The following TPD52 variants were observed in gnomAD, a reference collection of about 807,000 sequenced individuals.
TPD52 encodes the protein tumor protein D52, also known as prostate and colon associated protein.
Under a neutral mutation model 31.3 loss-of-function variants are expected in TPD52, and 17 were observed. That is an observed-to-expected ratio of 0.54 (90% CI 0.37 to 0.82). The LOEUF is 0.82. Ranked by LOEUF, TPD52 falls within the 40% of genes least tolerant of loss-of-function variation. TPD52 has a pLI of 0.00. For missense variants in TPD52, 212 were observed against 240.1 expected (o/e 0.88, Z 0.77); for synonymous variants, 83 against 89.6 (o/e 0.93, Z 0.42).
At chr8:80,063,494 G>A (rs1160686302) in intron 2 of TPD52, among the ~76,000 whole-genome samples, 1 of 152,202 alleles carries the variant, frequency 6.6e-6, no homozygotes, top group Non-Finnish European at 1.5e-5. Flanking sequence ...GCACAACACT[G>A]TGAATGTTAC....
Position 80,037,926 on chromosome 8 carries a change from A to C in TPD52, c.*190T>G. 1.6e-6 allele frequency: 1 copy of C among 641,978 alleles called. No individual in the cohort carries two copies. The highest frequency in any genetic ancestry group is 2.5e-6 in the Non-Finnish European group (1 of 395,656). The allele number at this position is 641,978 out of a possible 1,614,324, so 39.8% of individuals were successfully genotyped here. The stretch of plus-strand genomic sequence containing the variant: ...ATAAAGGAACATAAATGTACACTAA[A>C]GGGTGTTTCCCAAGAATAGAGGTGA... On this transcript the variant is annotated 3_prime_UTR_variant, in exon 8 of 8. Transcript: ENST00000518937.
chr8:80,137,396 A>T (rs1809509628), intron 1 of TPD52, among the ~76,000 whole-genome samples: 1 of 140,414 alleles, frequency 7.1e-6, no homozygotes, highest in South Asian at 2.2e-4. Flanking sequence ...CTTTTTTCTT[A>T]AAAAATGGAA....
intron 1 of TPD52, among the ~76,000 whole-genome samples, chr8:80,117,954 G>T (rs559103855): frequency 6.6e-6 from 1 of 151,674 alleles, no homozygotes; most frequent in Non-Finnish European, 1.5e-5. Flanking sequence ...GGATGGTCTC[G>T]ATCTCCTGAC....
intron 1 of TPD52, among the ~76,000 whole-genome samples, chr8:80,104,438 C>CAT (rs10664012): frequency 0.56 from 83,703 of 150,392 alleles, 24,559 homozygotes; most frequent in East Asian, 0.79. Flanking sequence ...CGTACACACA[C>CAT]GATCTTGAAC....
At chr8:80,043,746 G>A (rs1258427523) in intron 6 of TPD52, among the ~76,000 whole-genome samples, 1 of 152,206 alleles carries the variant, frequency 6.6e-6, no homozygotes, top group Admixed American at 6.5e-5. Context: ...GCTAATGAAA[G>A]CAGATAGTAG....
intron 2 of TPD52, among the ~76,000 whole-genome samples, chr8:80,061,755 ATTCAG>A (rs892509839): frequency 2.6e-5 from 4 of 152,256 alleles, no homozygotes; most frequent in Non-Finnish European, 4.4e-5. Context: ...AAGATATAAT[ATTCAG>A]TTATGTTTCT....
chr8:80,127,545 A>G (rs1808701978), intron 1 of TPD52: 2 of 152,134 alleles, frequency 1.3e-5, no homozygotes, highest in African/African-American at 2.4e-5. Flanking sequence ...TATAATTCGA[A>G]TTCTGTTTTT....
intron 1 of TPD52, among the ~76,000 whole-genome samples, chr8:80,084,330 C>T (rs1158478495): frequency 6.6e-6 from 1 of 152,236 alleles, no homozygotes; most frequent in Non-Finnish European, 1.5e-5. Flanking sequence ...CCCTTGTTCA[C>T]AGGGACTGGC....
chr8:80,091,448 G>A lies in TPD52; in HGVS notation c.20-26855C>T, dbSNP rs553803827. The stretch of plus-strand genomic sequence containing the variant: ...CGCGCCACTGCGCTCCAGCCTGGGC[G>A]ACAGAGACTCCATCTCAAAAAAAAA... On this transcript the variant is annotated intron_variant, in intron 1 of 7. Coordinates refer to ENST00000518937, the MANE Select transcript of TPD52 (RefSeq NM_001025253.3). Among the ~76,000 whole-genome samples, 89 of 142,436 alleles carry A rather than the reference G, an allele frequency of 6.2e-4. 2 individuals are homozygous for A. In the South Asian group the frequency reaches 0.019, roughly 30 times the overall value. 93.4% of individuals were successfully genotyped at this position (142,436 alleles called of 152,430 possible).
chr8:80,151,976 G>C (rs953824491), intron 1 of TPD52, among the ~76,000 whole-genome samples: 5 of 152,264 alleles, frequency 3.3e-5, no homozygotes, highest in Non-Finnish European at 5.9e-5. Flanking sequence ...GTTGATTTTT[G>C]TCAGAAGAGA....
At chr8:80,117,453 G>A (rs1365734894) in intron 1 of TPD52, among the ~76,000 whole-genome samples, 1 of 152,020 alleles carries the variant, frequency 6.6e-6, no homozygotes, top group Non-Finnish European at 1.5e-5. Flanking sequence ...TACAAAATAT[G>A]GCTGAAAGAA....
At chr8:80,060,443 A>T (rs1336382626) in intron 2 of TPD52, among the ~76,000 whole-genome samples, 4 of 152,156 alleles carry the variant, frequency 2.6e-5, no homozygotes, top group African/African-American at 9.7e-5. Context: ...ACATTTAAAG[A>T]ATGGACAAAC....
At chr8:80,077,904 A>G (rs1297688353) in intron 1 of TPD52, among the ~76,000 whole-genome samples, 2 of 152,266 alleles carry the variant, frequency 1.3e-5, no homozygotes, top group African/African-American at 4.8e-5. Flanking sequence ...GGGTTGTAAA[A>G]TCCAGTTAGC....
chr8:80,150,552 A>T (rs1810503265), intron 1 of TPD52, among the ~76,000 whole-genome samples: 1 of 152,208 alleles, frequency 6.6e-6, no homozygotes, highest in Non-Finnish European at 1.5e-5. Context: ...GCTGGGAGGG[A>T]AGCTGTACCT....
chr8:80,140,707 G>A (rs1035088085), intron 1 of TPD52, among the ~76,000 whole-genome samples: 1 of 152,256 alleles, frequency 6.6e-6, no homozygotes, highest in South Asian at 2.1e-4. Flanking sequence ...GTTGAAGGTG[G>A]TAACAAATTC....
intron 2 of TPD52, among the ~76,000 whole-genome samples, chr8:80,062,546 A>T (rs1812661628): frequency 6.6e-6 from 1 of 152,220 alleles, no homozygotes; most frequent in South Asian, 2.1e-4. Context: ...CTTCACACCC[A>T]CTAGGACTAC....
At chr8:80,051,793 A>C in intron 3 of TPD52, 165 bp from the exon 4 acceptor site, 1 of 579,092 alleles carries the variant, frequency 1.7e-6, no homozygotes, top group Non-Finnish European at 3.0e-6. Context: ...CGGCATCACC[A>C]CATCTTCGTA....
At chr8:80,160,295 A>G (rs956920064) in intron 1 of TPD52, among the ~76,000 whole-genome samples, 7 of 152,228 alleles carry the variant, frequency 4.6e-5, no homozygotes, top group African/African-American at 1.4e-4. Context: ...CCAGCAGAGT[A>G]CATCTGGGGA....
chr8:80,155,235 T>C (rs375256594), intron 1 of TPD52, among the ~76,000 whole-genome samples: 2 of 152,172 alleles, frequency 1.3e-5, no homozygotes, highest in Admixed American at 6.5e-5. Context: ...AATCAATAAA[T>C]GTTGTGTGTG....
Sources: gnomAD v4.1 joint callset for allele counts (sites outside exome capture counted in the v4.1 genomes callset) on GRCh38, gnomAD v4.1.1 for gene constraint, MANE v1.5 for transcripts, NCBI Gene and HGNC (gene_info 2026-07-23, HGNC 2026-07-21) for gene names.